The following NSFL1C variants were observed in gnomAD, a reference collection of about 807,000 sequenced individuals.
NSFL1C encodes the protein NSFL1 cofactor.
Under a neutral mutation model 43.1 loss-of-function variants are expected in NSFL1C, and 14 were observed. The observed-to-expected ratio is 0.32, with a 90% CI of 0.21 to 0.51. The LOEUF (loss-of-function observed/expected upper bound fraction) is 0.51. Ranked by LOEUF, NSFL1C falls within the 20% of genes least tolerant of loss-of-function variation. The pLI is 0.98. For missense variants in NSFL1C, 406 were observed against 472.5 expected (o/e 0.86, Z 1.30); for synonymous variants, 171 against 183.5 (o/e 0.93, Z 0.55).
chr20:1,448,692 A>G (rs111381799), intron 7 of NSFL1C, among the ~76,000 whole-genome samples: 71 of 152,310 alleles, frequency 4.7e-4, no homozygotes, highest in African/African-American at 1.6e-3. Flanking sequence ...CACATGTATT[A>G]ACTTACTTAA....
chr20:1,445,644 T>C (rs779733567), intron 8 of NSFL1C, 22 bp downstream of exon 8: 2 of 1,611,294 alleles, frequency 1.2e-6, no homozygotes, highest in South Asian at 2.2e-5. Context: ...TAGAATAAGC[T>C]AGGCCACACA....
chr20:1,450,681 G>C (rs1281368298), intron 7 of NSFL1C, among the ~76,000 whole-genome samples: 1 of 152,068 alleles, frequency 6.6e-6, no homozygotes, highest in African/African-American at 2.4e-5. Context: ...CCTTTTTGAA[G>C]GGCAATTTGA....
chr20:1,461,666 T>C (rs2090414590), intron 2 of NSFL1C, among the ~76,000 whole-genome samples: 1 of 152,134 alleles, frequency 6.6e-6, no homozygotes, highest in Admixed American at 6.5e-5. Flanking sequence ...ATGCTGAATG[T>C]AGAAAACAGC....
chr20:1,461,140 C>G (rs1483848323), intron 2 of NSFL1C, among the ~76,000 whole-genome samples: 1 of 152,200 alleles, frequency 6.6e-6, no homozygotes. Flanking sequence ...CATGGCAGAG[C>G]TTTGGTGACT....
At chr20:1,452,743 A>G (rs1462773373) in intron 6 of NSFL1C, 113 bp from the exon 7 acceptor site, 1 of 1,353,830 alleles carries the variant, frequency 7.4e-7, no homozygotes, top group Non-Finnish European at 1.0e-6. Flanking sequence ...CTGGGCCTCC[A>G]AAGGGAGCAG....
chr20:1,449,305 C>T (rs1188976723), intron 7 of NSFL1C, among the ~76,000 whole-genome samples: 3 of 152,186 alleles, frequency 2.0e-5, no homozygotes, highest in Non-Finnish European at 4.4e-5. Context: ...GGACCAAAAT[C>T]GACTAGAAAT....
rs183039255 is a variant in NSFL1C at position 1,453,791 on chromosome 20, G to A, written c.537+422C>T. ...GTGTATGATTACACTTGTGGGGAAG[G>A]AGACCCTATGCACAGGGCTAAAAAG... On this transcript the variant is annotated intron_variant, in intron 5 of 8. Transcript: ENST00000216879. Among the ~76,000 whole-genome samples the A allele has an allele frequency of 2.0e-5, 3 of 152,148 alleles. No individual in the cohort carries two copies. The East Asian group carries it at 5.8e-4, about 29-fold the overall frequency.
rs527398068 is a variant in NSFL1C, at chr20:1,454,954, C to T, written c.444+13G>A. On this transcript the variant is annotated intron_variant, in intron 4 of 8. Coordinates refer to ENST00000216879, the MANE Select transcript of NSFL1C (RefSeq NM_016143.5). ...TCAGTCCTGTGGGCACAGACAATGA[C>T]CCTTATACTCACTCTCGGTTTACTG... is the stretch of plus-strand genomic sequence containing the variant. The T allele has an allele frequency of 6.2e-7, 1 of 1,612,162 alleles. No individual in the cohort carries two copies. The highest frequency in any genetic ancestry group is 8.5e-7 in the Non-Finnish European group (1 of 1,179,538).
In NSFL1C at chr20:1,457,654, G is replaced by A. The variant is rs144669823; in HGVS notation, c.278+546C>T. ...CTGTCGATTGTTCTAGATTGGAATT[G>A]TTCTAGATTCCACACGAGAGCATGC... On this transcript the variant is annotated intron_variant, in intron 3 of 8. Transcript: ENST00000216879. Among the ~76,000 whole-genome samples the A allele has an allele frequency of 7.9e-5, 12 of 152,264 alleles. No individual in the cohort carries two copies. The East Asian group carries it at 2.3e-3, about 29-fold the overall frequency.
intron 7 of NSFL1C, among the ~76,000 whole-genome samples, chr20:1,451,055 C>A (rs2090170404): frequency 6.6e-6 from 1 of 151,980 alleles, no homozygotes; most frequent in South Asian, 2.1e-4. Context: ...TTTACCTGCA[C>A]TTTCTATTAA....
chr20:1,444,052 C>A, intron 8 of NSFL1C, 141 bp from the exon 9 acceptor site: 2 of 841,000 alleles, frequency 2.4e-6, no homozygotes, highest in Non-Finnish European at 3.6e-6. Context: ...CATGTGGGAC[C>A]AAGTCCCTTC....
intron 7 of NSFL1C, among the ~76,000 whole-genome samples, chr20:1,447,611 T>C (rs2090088898): frequency 6.6e-6 from 1 of 152,102 alleles, no homozygotes; most frequent in South Asian, 2.1e-4. Context: ...ACTCTCCAAT[T>C]AGACTTTAGG....
At chr20:1,456,687 C>G (rs2090308142) in intron 3 of NSFL1C, 1 of 152,166 alleles carries the variant, frequency 6.6e-6, no homozygotes, top group African/African-American at 2.4e-5. Flanking sequence ...AAAGCCCTGG[C>G]TTCAGAACTG....
chr20:1,457,901 C>T, intron 3 of NSFL1C: 1 of 325,576 alleles, frequency 3.1e-6, no homozygotes, highest in Non-Finnish European at 5.8e-6. Flanking sequence ...ACGTAGACAC[C>T]TCTTTACAAA....
At chr20:1,454,890 T>C (rs181272376) in intron 4 of NSFL1C, 77 bp downstream of exon 4, 392 of 1,475,480 alleles carry the variant, frequency 2.7e-4, no homozygotes, top group Admixed American at 3.6e-4. Flanking sequence ...AATCAGTCAC[T>C]ACCGGGGTGA....
intron 7 of NSFL1C, among the ~76,000 whole-genome samples, chr20:1,447,263 A>T (rs1489388497): frequency 6.6e-6 from 1 of 152,154 alleles, no homozygotes; most frequent in Non-Finnish European, 1.5e-5. Flanking sequence ...AGGCCACAAG[A>T]GTTGATTGGA....
chr20:1,466,425 C>T (rs2090512718), intron 1 of NSFL1C, among the ~76,000 whole-genome samples: 1 of 152,214 alleles, frequency 6.6e-6, no homozygotes, highest in Non-Finnish European at 1.5e-5. Flanking sequence ...CAGCCACGCC[C>T]CCAGGCGCTC....
At chr20:1,464,503 A>G (rs1199763542) in intron 1 of NSFL1C, 77 bp from the exon 2 acceptor site, 3 of 1,191,172 alleles carry the variant, frequency 2.5e-6, no homozygotes, top group Non-Finnish European at 3.7e-6. Flanking sequence ...GCACAAAGGA[A>G]TACAGACATG....
At position 1,443,663 on chromosome 20, in the gene NSFL1C, C is replaced by A. The variant is rs953819545; in HGVS notation, c.*86G>T. On this transcript the variant is annotated 3_prime_UTR_variant, in exon 9 of 9. Coordinates refer to ENST00000216879, the MANE Select transcript of NSFL1C (RefSeq NM_016143.5). ...GTTGCACTGGACTGCTGGGTGTGCACAAGGGGGCAGGAGGGGCGATCCCCA... is the reference window on the plus strand; with the variant it reads ...GTTGCACTGGACTGCTGGGTGTGCAAAAGGGGGCAGGAGGGGCGATCCCCA... The A allele has an allele frequency of 4.8e-6, 7 of 1,462,734 alleles. No homozygotes were observed. The African/African-American group carries it at 9.7e-5, about 20-fold the overall frequency. The allele number at this position is 1,462,734 out of a possible 1,614,324, so 90.6% of individuals were successfully genotyped here.
Sources: allele counts gnomAD v4.1 joint callset (sites outside exome capture counted in the v4.1 genomes callset), GRCh38; gene constraint gnomAD v4.1.1; transcripts MANE v1.5; gene names NCBI Gene and HGNC (gene_info 2026-07-23, HGNC 2026-07-21).